Variants in SLC8A1 observed in about 807,000 individuals in gnomAD.
SLC8A1 encodes the protein solute carrier family 8 member A1.
Under a neutral mutation model 68.3 loss-of-function variants are expected in SLC8A1, and 18 were observed. That is an observed-to-expected ratio of 0.26 (90% CI 0.18 to 0.39). The LOEUF (loss-of-function observed/expected upper bound fraction) is 0.39. Among genes scored for constraint, SLC8A1 ranks in the 10% least tolerant of loss-of-function variants. SLC8A1 has a pLI of 1.00. For synonymous variants in SLC8A1, 475 were observed against 415.5 expected (o/e 1.14, Z -1.74); for missense variants, 985 against 1,156.7 (o/e 0.85, Z 2.15).
chr2:40,356,025 C>T lies in SLC8A1; in HGVS notation c.1808+72448G>A, dbSNP rs989948902. ...AGAGGTAGAGTCACTGATGGTTACG[C>T]ACATGCTGTTCTTTCTGAATGCTCT... On this transcript the variant is annotated intron_variant, in intron 2 of 7. Coordinates refer to ENST00000406785, the Ensembl canonical transcript of SLC8A1. Among the ~76,000 whole-genome samples the T allele has an allele frequency of 3.9e-5, 6 of 152,078 alleles. No individual in the cohort carries two copies. In the East Asian group the frequency reaches 1.2e-3, roughly 29 times the overall value.
At chr2:40,372,662 C>T (rs1678508369) in intron 2 of SLC8A1, among the ~76,000 whole-genome samples, 1 of 152,080 alleles carries the variant, frequency 6.6e-6, no homozygotes, top group African/African-American at 2.4e-5. Flanking sequence ...TTCAACTATT[C>T]TTGGAAATTG....
intron 1 of SLC8A1, among the ~76,000 whole-genome samples, chr2:40,449,416 A>G (rs1186996564): frequency 6.6e-6 from 1 of 152,228 alleles, no homozygotes. Context: ...AAAGCATGTT[A>G]AACATAGCTT....
At chr2:40,492,587 C>T (rs1309552587) in intron 1 of SLC8A1, among the ~76,000 whole-genome samples, 2 of 150,560 alleles carry the variant, frequency 1.3e-5, no homozygotes, top group Admixed American at 6.6e-5. Flanking sequence ...ATTTTCGCAA[C>T]CTACTCATCT....
chr2:40,223,242 CAT>C (rs1454571669), intron 2 of SLC8A1, among the ~76,000 whole-genome samples: 2 of 152,164 alleles, frequency 1.3e-5, no homozygotes, highest in African/African-American at 4.8e-5. Flanking sequence ...TGGAAACCAC[CAT>C]TCTCAGCAAA....
rs111376875 is a variant in SLC8A1, at chr2:40,194,506, TGCGC to T, written c.1809-16655_1809-16652del. On this transcript the variant is annotated intron_variant, in intron 2 of 7. Transcript: ENST00000406785. The stretch of plus-strand genomic sequence containing the variant: ...GTGTGTGTGTGTGTGTGTGTGTGTG[TGCGC>T]GCGCAAAGAAAACGAGAGGGAGAAG... Among the ~76,000 whole-genome samples the T allele has an allele frequency of 6.5e-3, 852 of 131,896 alleles. 2 individuals carry two copies. The highest frequency in any genetic ancestry group is 7.5e-3 in the Middle Eastern group (2 of 266). 86.5% of individuals were successfully genotyped at this position (131,896 alleles called of 152,430 possible). A position where few individuals can be genotyped will look rare whatever the true frequency, so the allele number is the denominator to read the frequency against.
chr2:40,394,442 AGTGTGTGTGTGTGC>A (rs929906301), intron 2 of SLC8A1, among the ~76,000 whole-genome samples: 7 of 151,070 alleles, frequency 4.6e-5, no homozygotes, highest in African/African-American at 1.5e-4. Flanking sequence ...TTTTTCTGTT[AGTGTGTGTGTGTGC>A]GTGTGTGTGT....
intron 1 of SLC8A1, among the ~76,000 whole-genome samples, chr2:40,471,650 C>T (rs1296732867): frequency 6.6e-6 from 1 of 152,124 alleles, no homozygotes; most frequent in Non-Finnish European, 1.5e-5. Flanking sequence ...AAGTTACTGA[C>T]CTCAGGCATC....
intron 2 of SLC8A1, among the ~76,000 whole-genome samples, chr2:40,331,170 GA>G (rs1293180561): frequency 6.6e-6 from 1 of 152,108 alleles, no homozygotes; most frequent in Non-Finnish European, 1.5e-5. Context: ...AATTTATTGA[GA>G]TAATTCAGTA....
intron 2 of SLC8A1, among the ~76,000 whole-genome samples, chr2:40,391,883 C>G (rs1289496771): frequency 2.0e-5 from 3 of 152,098 alleles, no homozygotes; most frequent in Admixed American, 1.3e-4. Flanking sequence ...GGCTTCATTT[C>G]TACCAATATC....
At chr2:40,496,538 G>A (rs1705713827) in intron 1 of SLC8A1, among the ~76,000 whole-genome samples, 1 of 151,982 alleles carries the variant, frequency 6.6e-6, no homozygotes, top group African/African-American at 2.4e-5. Context: ...GTTATTCTGA[G>A]GATATTTGTG....
chr2:40,207,436 A>T (rs558683284), intron 2 of SLC8A1, among the ~76,000 whole-genome samples: 1 of 152,012 alleles, frequency 6.6e-6, no homozygotes, highest in Non-Finnish European at 1.5e-5. Flanking sequence ...CATTTTTCCT[A>T]TACAAATGTT....
chr2:40,122,089 A>G (rs1347199270), intron 7 of SLC8A1, among the ~76,000 whole-genome samples: 4 of 152,054 alleles, frequency 2.6e-5, no homozygotes, highest in Non-Finnish European at 4.4e-5. Flanking sequence ...TTACTTATGT[A>G]CTTGTTCTTC....
intron 2 of SLC8A1, among the ~76,000 whole-genome samples, chr2:40,414,228 C>T (rs1003288678): frequency 7.9e-5 from 12 of 152,136 alleles, no homozygotes; most frequent in African/African-American, 2.9e-4. Flanking sequence ...TGTTGGAAAA[C>T]AGTATCTTAA....
At chr2:40,169,157 G>A (rs2047041172) in intron 4 of SLC8A1, among the ~76,000 whole-genome samples, 1 of 152,204 alleles carries the variant, frequency 6.6e-6, no homozygotes, top group South Asian at 2.1e-4. Flanking sequence ...GTGAAGTGCT[G>A]AGAGTGGGAA....
At chr2:40,441,774 G>T (rs1376276591) in intron 1 of SLC8A1, among the ~76,000 whole-genome samples, 1 of 151,930 alleles carries the variant, frequency 6.6e-6, no homozygotes, top group Non-Finnish European at 1.5e-5. Context: ...ACTCAAGATG[G>T]ACTGAAGACT....
intron 2 of SLC8A1, among the ~76,000 whole-genome samples, chr2:40,359,241 C>T (rs1271212546): frequency 6.6e-6 from 1 of 152,092 alleles, no homozygotes; most frequent in Non-Finnish European, 1.5e-5. Context: ...CAATTTCATA[C>T]ATCGATTACA....
intron 2 of SLC8A1, among the ~76,000 whole-genome samples, chr2:40,273,211 G>C (rs541785062): frequency 1.5e-4 from 23 of 152,012 alleles, no homozygotes; most frequent in Admixed American, 4.6e-4. Context: ...AAAGTGCTGG[G>C]ATTACAGGCA....
At chr2:40,380,748 TGA>T (rs536535669) in intron 2 of SLC8A1, among the ~76,000 whole-genome samples, 1 of 152,224 alleles carries the variant, frequency 6.6e-6, no homozygotes, top group African/African-American at 2.4e-5. Flanking sequence ...ACACTGGATC[TGA>T]GGGGGCTTTT....
At chr2:40,300,592 G>A (rs2071273608) in intron 2 of SLC8A1, among the ~76,000 whole-genome samples, 1 of 152,102 alleles carries the variant, frequency 6.6e-6, no homozygotes, top group Non-Finnish European at 1.5e-5. Context: ...TCTGACCCCA[G>A]GAATTCTCCA....
Sources: allele counts gnomAD v4.1 joint callset (sites outside exome capture counted in the v4.1 genomes callset), GRCh38; gene constraint gnomAD v4.1.1; transcripts MANE v1.5; gene names NCBI Gene and HGNC (gene_info 2026-07-23, HGNC 2026-07-21).